Variants in ZBED6 observed in about 807,000 individuals in gnomAD.
The protein encoded by ZBED6 is zinc finger BED-type containing 6.
In ZBED6, 40 loss-of-function variants were observed where a neutral mutation model predicts 58.4. The observed-to-expected ratio is 0.68, with a 90% CI of 0.53 to 0.89. The LOEUF is 0.89. Among genes scored for constraint, ZBED6 ranks in the 40% least tolerant of loss-of-function variants. ZBED6 has a pLI of 0.00. For missense variants in ZBED6, 1,057 were observed against 1,003.9 expected, an observed-to-expected ratio of 1.05 and a Z score of -0.71; for synonymous variants, 439 against 350.6, an observed-to-expected ratio of 1.25 and a Z score of -2.82.
chr1:203,842,612 G>T (rs1398808260), intron 11 of ZBED6, among the ~76,000 whole-genome samples: 1 of 148,474 alleles, frequency 6.7e-6, no homozygotes, highest in East Asian at 1.9e-4. Flanking sequence ...AGAGGGGGAG[G>T]GGGAGGGGGA....
At chr1:203,852,698 G>A in exon 17 of ZBED6, 2 of 401,054 alleles carry the variant, frequency 5.0e-6, no homozygotes, top group Non-Finnish European at 9.1e-6. Context: ...AAGGGTGCAA[G>A]CGAACTTAGT....
exon 1 of ZBED6, chr1:203,802,456 G>A (rs1397379097): frequency 6.6e-6 from 1 of 152,316 alleles, no homozygotes; most frequent in Non-Finnish European, 1.5e-5. Context: ...AAGCCAGTTA[G>A]TATATATCTG....
intron 15 of ZBED6, 151 bp downstream of exon 15, chr1:203,850,832 AC>A: frequency 8.0e-7 from 1 of 1,248,864 alleles, no homozygotes; most frequent in Non-Finnish European, 1.1e-6. Flanking sequence ...TTTTATACTT[AC>A]AGTTTGATAT....
intron 9 of ZBED6, among the ~76,000 whole-genome samples, chr1:203,836,507 T>C (rs1684390877): frequency 2.0e-5 from 3 of 152,168 alleles, no homozygotes; most frequent in African/African-American, 7.2e-5. Flanking sequence ...CCCAGCACTT[T>C]GAGAGGCTGA....
intron 1 of ZBED6, among the ~76,000 whole-genome samples, chr1:203,815,555 T>C (rs188656568): frequency 3.3e-5 from 5 of 152,204 alleles, no homozygotes; most frequent in Admixed American, 2.6e-4. Context: ...ATAACATTTA[T>C]TGTGCATTGT....
At chr1:203,798,919 A>G (rs1558087691) in exon 1 of ZBED6, 1 of 1,536,114 alleles carries the variant, frequency 6.5e-7, no homozygotes, top group African/African-American at 1.4e-5. Context: ...TGTGTCAGAG[A>G]AAAAATTTTC....
exon 1 of ZBED6, chr1:203,801,189 A>T (rs1460712776): frequency 2.0e-5 from 3 of 152,208 alleles, no homozygotes; most frequent in Non-Finnish European, 4.4e-5. Flanking sequence ...TGTTTGCAAG[A>T]ATTGGAAAAG....
At chr1:203,808,923 C>T (rs577100849) in intron 1 of ZBED6, among the ~76,000 whole-genome samples, 20 of 151,526 alleles carry the variant, frequency 1.3e-4, no homozygotes, top group Admixed American at 8.5e-4. Context: ...CTCCACCTCC[C>T]GGGTTCAGGT....
At chr1:203,831,893 A>T in intron 8 of ZBED6, 122 bp downstream of exon 8, 1 of 737,950 alleles carries the variant, frequency 1.4e-6, no homozygotes, top group Non-Finnish European at 2.2e-6. Flanking sequence ...TGCTGATGAG[A>T]TAATCTAAAG....
chr1:203,846,779 A>G (rs1172309643), intron 11 of ZBED6, among the ~76,000 whole-genome samples: 2 of 152,196 alleles, frequency 1.3e-5, no homozygotes, highest in Non-Finnish European at 2.9e-5. Context: ...ATACAAATCA[A>G]TTTTTGCCTC....
intron 16 of ZBED6, 110 bp from the exon 17 acceptor site, chr1:203,852,031 A>T: frequency 1.6e-6 from 1 of 640,094 alleles, no homozygotes; most frequent in Non-Finnish European, 2.6e-6. Context: ...TTATTTCTTT[A>T]TGTATGTTCT....
At chr1:203,842,153 C>T (rs1053780485) in intron 11 of ZBED6, among the ~76,000 whole-genome samples, 2 of 145,838 alleles carry the variant, frequency 1.4e-5, no homozygotes, top group Non-Finnish European at 3.0e-5. Context: ...ACATCCCAGA[C>T]GATGGGCGGC....
intron 1 of ZBED6, among the ~76,000 whole-genome samples, chr1:203,811,141 C>T (rs554175037): frequency 8.4e-6 from 1 of 118,990 alleles, no homozygotes; most frequent in African/African-American, 3.3e-5. Flanking sequence ...GAAACTCTGT[C>T]ACAAAAAAAA....
intron 1 of ZBED6, among the ~76,000 whole-genome samples, chr1:203,815,212 T>TTTC (rs796719567): frequency 3.6e-4 from 17 of 46,754 alleles, no homozygotes; most frequent in East Asian, 3.0e-3. Context: ...CTTCCTTTTC[T>TTTC]TTTCTTTTTT....
At chr1:203,836,928 C>T (rs1684534486) in intron 9 of ZBED6, among the ~76,000 whole-genome samples, 1 of 152,152 alleles carries the variant, frequency 6.6e-6, no homozygotes, top group Non-Finnish European at 1.5e-5. Context: ...AGTCTTCATA[C>T]TAAAAAACTT....
chr1:203,799,987 T>A, exon 1 of ZBED6: 1 of 1,536,122 alleles, frequency 6.5e-7, no homozygotes, highest in Non-Finnish European at 8.7e-7. Flanking sequence ...TGTCCCTCAG[T>A]TACAGTGGGA....
Position 203,824,324 on chromosome 1 carries a change from C to T in ZBED6, c.*2874-3975C>T, listed in dbSNP as rs571963929. 3.2e-4 allele frequency among the ~76,000 whole-genome samples: 48 copies of T among 150,460 alleles called. No homozygotes were observed. The South Asian group carries it at 1.0e-2, about 31-fold the overall frequency. ...ATAATTTATATTTGTTTTTCACTTG[C>T]ATATGAATTTTAAAAATCTCTGGAA... is the stretch of plus-strand genomic sequence containing the variant. On this transcript the variant is annotated intron_variant, in intron 3 of 16. Coordinates refer to ENST00000550078, the Ensembl canonical transcript of ZBED6.
At chr1:203,796,290 C>T (rs1668475768) in exon 1 of ZBED6, 1 of 397,250 alleles carries the variant, frequency 2.5e-6, no homozygotes, top group Non-Finnish European at 4.4e-6. Context: ...CATTCCTCTC[C>T]AGGGTCCCGG....
chr1:203,811,875 G>C (rs1674608579), intron 1 of ZBED6, among the ~76,000 whole-genome samples: 1 of 150,334 alleles, frequency 6.7e-6, no homozygotes, highest in Admixed American at 6.6e-5. Flanking sequence ...GAGTGCAGTA[G>C]TGTGATCTTG....
Sources: gnomAD v4.1 joint callset for allele counts (sites outside exome capture counted in the v4.1 genomes callset) on GRCh38, gnomAD v4.1.1 for gene constraint, MANE v1.5 for transcripts, NCBI Gene and HGNC (gene_info 2026-07-23, HGNC 2026-07-21) for gene names.